Variants in UBAP2 observed in about 807,000 individuals in gnomAD.
UBAP2 encodes ubiquitin-associated protein 2.
UBAP2 carries 75 observed loss-of-function variants against 139.6 expected under a neutral mutation model. The ratio of observed to expected loss-of-function variants is 0.54; its 90% CI spans 0.45 to 0.65. The LOEUF is 0.65. UBAP2 is among the 30% of genes least tolerant of loss of function. The pLI, the probability that UBAP2 is intolerant of heterozygous loss-of-function variation, is 0.00. For synonymous variants in UBAP2, 526 were observed against 526.2 expected (o/e 1.00, Z 0.01); for missense variants, 1,368 against 1,369.6 (o/e 1.00, Z 0.02).
chr9:33,998,880 A>C lies in UBAP2; in HGVS notation c.100-16T>G. On this transcript the variant is annotated splice_polypyrimidine_tract_variant and intron_variant, in intron 2 of 28. Coordinates refer to ENST00000379238, the MANE Select transcript of UBAP2 (RefSeq NM_001370062.2). ...CAGCTGTTGCCTGGAAAGTACATAC[A>C]ATTGTTAAGGATTTGAACACCAAAA... The C allele has an allele frequency of 6.2e-7, 1 of 1,605,150 alleles. No homozygotes were observed. Among genetic ancestry groups the C allele is most frequent in the African/African-American group, 1.3e-5 (1 of 74,918 alleles).
At chr9:34,037,041 T>C (rs1042715964) in intron 1 of UBAP2, among the ~76,000 whole-genome samples, 96 of 137,772 alleles carry the variant, frequency 7.0e-4, no homozygotes, top group African/African-American at 2.6e-3. Flanking sequence ...CGGGCTGGAG[T>C]GCAGTGGCAC....
At chr9:33,978,366 T>C (rs1820342311) in intron 6 of UBAP2, among the ~76,000 whole-genome samples, 1 of 152,030 alleles carries the variant, frequency 6.6e-6, no homozygotes, top group Admixed American at 6.6e-5. Flanking sequence ...AAGAGCCCCT[T>C]CTCTACCTTA....
At chr9:33,962,807 T>C (rs1827169851) in intron 9 of UBAP2, among the ~76,000 whole-genome samples, 1 of 151,060 alleles carries the variant, frequency 6.6e-6, no homozygotes, top group Admixed American at 6.6e-5. Flanking sequence ...TGAAACCCCA[T>C]CTCTACTAAA....
intron 22 of UBAP2, 109 bp from the exon 23 acceptor site, chr9:33,924,393 G>T: frequency 9.3e-7 from 1 of 1,078,384 alleles, no homozygotes; most frequent in Non-Finnish European, 1.4e-6. Context: ...CAGACTCCAT[G>T]CCTGAGAGCC....
At chr9:33,996,184 G>T in intron 4 of UBAP2, 39 bp downstream of exon 4, 1 of 1,495,002 alleles carries the variant, frequency 6.7e-7, no homozygotes, top group South Asian at 1.2e-5. Context: ...CGGAATTGGA[G>T]ACAAATGTAA....
intron 1 of UBAP2, among the ~76,000 whole-genome samples, chr9:34,019,559 T>C (rs563102955): frequency 1.3e-5 from 2 of 151,940 alleles, no homozygotes; most frequent in East Asian, 1.9e-4. Context: ...GGAGTTTCTG[T>C]AGGGGAGGAT....
rs543177285 is a variant in UBAP2, at chr9:34,036,940, C to T, written c.-42+11885G>A. Among the ~76,000 whole-genome samples the T allele has an allele frequency of 3.3e-5, 5 of 151,012 alleles. No homozygotes were observed. The East Asian group carries it at 9.7e-4, about 29-fold the overall frequency. ...CCAGCAATTCTCCCGCCTCAGCCTC[C>T]CAAGTAGGTGGGACTATAGGCATGT... On this transcript the variant is annotated intron_variant, in intron 1 of 28. Coordinates refer to ENST00000379238, the MANE Select transcript of UBAP2 (RefSeq NM_001370062.2).
intron 12 of UBAP2, among the ~76,000 whole-genome samples, chr9:33,951,403 A>G (rs1176531840): frequency 7.7e-6 from 1 of 130,268 alleles, no homozygotes; most frequent in Non-Finnish European, 1.5e-5. Flanking sequence ...CTGGAGTGCA[A>G]TGGCATGATC....
chr9:33,960,704 T>C, intron 10 of UBAP2, 122 bp downstream of exon 10: 1 of 862,476 alleles, frequency 1.2e-6, no homozygotes, highest in Non-Finnish European at 1.8e-6. Context: ...TGCTTGAATC[T>C]GGGAGGCAGA....
At chr9:33,935,711 A>C (rs750241206) in intron 17 of UBAP2, 128 bp downstream of exon 17, 2 of 1,140,184 alleles carry the variant, frequency 1.8e-6, no homozygotes, top group Non-Finnish European at 2.6e-6. Context: ...AAAAACAAAA[A>C]AGCAAAAGGG....
chr9:33,936,010 G>A, intron 16 of UBAP2, 132 bp from the exon 17 acceptor site: 1 of 1,027,214 alleles, frequency 9.7e-7, no homozygotes, highest in Non-Finnish European at 1.4e-6. Context: ...TTTTAATAAA[G>A]GGAAGATAAA....
chr9:33,977,908 G>A (rs541475041), intron 6 of UBAP2, among the ~76,000 whole-genome samples: 8 of 151,016 alleles, frequency 5.3e-5, no homozygotes, highest in Non-Finnish European at 7.4e-5. Flanking sequence ...CCAGCTTCTC[G>A]GGAGGCTGAG....
chr9:33,949,640 T>G (rs1000315834), intron 12 of UBAP2, among the ~76,000 whole-genome samples: 2 of 151,944 alleles, frequency 1.3e-5, no homozygotes, highest in Non-Finnish European at 2.9e-5. Flanking sequence ...GAAGTGGAGG[T>G]TGCAGTAAGG....
intron 1 of UBAP2, among the ~76,000 whole-genome samples, chr9:34,024,193 T>C (rs549673990): frequency 3.0e-4 from 46 of 151,712 alleles, no homozygotes; most frequent in African/African-American, 1.0e-3. Flanking sequence ...AAATACAAAA[T>C]TAGCCGGGCG....
intron 26 of UBAP2, 28 bp downstream of exon 26, chr9:33,923,158 T>TA (rs757276851): frequency 5.6e-6 from 9 of 1,611,350 alleles, no homozygotes; most frequent in Admixed American, 5.0e-5. Context: ...CTCCAGGCCT[T>TA]ATCCTGGAAA....
intron 1 of UBAP2, among the ~76,000 whole-genome samples, chr9:34,032,435 T>C (rs1282199531): frequency 6.6e-6 from 1 of 152,164 alleles, no homozygotes; most frequent in East Asian, 1.9e-4. Context: ...TTCCCACTAG[T>C]TACTCTGTCC....
At chr9:33,979,712 C>G (rs955031226) in intron 6 of UBAP2, among the ~76,000 whole-genome samples, 3 of 151,562 alleles carry the variant, frequency 2.0e-5, no homozygotes, top group African/African-American at 4.9e-5. Flanking sequence ...GAAACCCCGT[C>G]TCTACTAAAA....
rs1822426620 is a variant in UBAP2, at chr9:33,998,847, C to CA, written c.116dup (p.Met39IlefsTer9). 6.2e-7 allele frequency: 1 copy of CA among 1,611,052 alleles called. No homozygotes were observed. The highest frequency in any genetic ancestry group is 1.7e-5 in the Admixed American group (1 of 59,902). On this transcript the variant is annotated frameshift_variant, in exon 3 of 29. Transcript: ENST00000379238. LOFTEE classifies it high-confidence loss of function. ...TATCAAAGATCACTTGAGCGAGACG[C>CA]ATCTGTTCAGCTGTTGCCTGGAAAG...
rs758891294 is a variant in UBAP2, at chr9:33,927,890, T to TG, written c.2277dup (p.Ser760GlnfsTer2). ...AGGCTGTTCGCGGTGTTCATGCTAC[T>TG]GGACAGGCTGGCGCCTGAGGATGCG... is the stretch of plus-strand genomic sequence containing the variant. On this transcript the variant is annotated frameshift_variant, in exon 20 of 29. Coordinates refer to ENST00000379238, the MANE Select transcript of UBAP2 (RefSeq NM_001370062.2). LOFTEE classifies it high-confidence loss of function. The TG allele has an allele frequency of 6.2e-7, 1 of 1,614,134 alleles. No homozygotes were observed. The highest frequency in any genetic ancestry group is 8.5e-7 in the Non-Finnish European group (1 of 1,180,024).
Sources: allele counts gnomAD v4.1 joint callset (sites outside exome capture counted in the v4.1 genomes callset), GRCh38; gene constraint gnomAD v4.1.1; transcripts MANE v1.5; gene names NCBI Gene and HGNC (gene_info 2026-07-23, HGNC 2026-07-21).